The following SEMA5A variants were observed in gnomAD, a reference collection of about 807,000 sequenced individuals.
SEMA5A encodes semaphorin-5A.
SEMA5A carries 55 observed loss-of-function variants against 135.5 expected under a neutral mutation model. That is an observed-to-expected ratio of 0.41 (90% confidence interval 0.33 to 0.51). The LOEUF (loss-of-function observed/expected upper bound fraction) is 0.51. Ranked by LOEUF, SEMA5A falls within the 20% of genes least tolerant of loss-of-function variation. The probability of loss-of-function intolerance (pLI) is 0.37; values close to 1 mark genes in which losing one functional copy is unlikely to be tolerated. For synonymous variants in SEMA5A, 580 were observed against 546.5 expected (o/e 1.06, Z -0.85); for missense variants, 1,290 against 1,419.9 (o/e 0.91, Z 1.47).
chr5:9,536,904 C>T (rs925238628), intron 1 of SEMA5A, among the ~76,000 whole-genome samples: 1 of 152,070 alleles, frequency 6.6e-6, no homozygotes, highest in African/African-American at 2.4e-5. Flanking sequence ...CAGGAGGTGC[C>T]GCAGACACAA....
chr5:9,302,154 G>T (rs1381602569), intron 5 of SEMA5A, among the ~76,000 whole-genome samples: 1 of 152,046 alleles, frequency 6.6e-6, no homozygotes, highest in Non-Finnish European at 1.5e-5. Context: ...TATCTAAGAG[G>T]CACCCAGATA....
chr5:9,070,283 ATTGC>A (rs1270349404), intron 16 of SEMA5A, among the ~76,000 whole-genome samples: 1 of 152,120 alleles, frequency 6.6e-6, no homozygotes, highest in African/African-American at 2.4e-5. Context: ...AGGCATGAGA[ATTGC>A]TTGAATCTGG....
intron 3 of SEMA5A, among the ~76,000 whole-genome samples, chr5:9,338,652 G>A (rs1561162247): frequency 6.6e-6 from 1 of 152,134 alleles, no homozygotes; most frequent in African/African-American, 2.4e-5. Flanking sequence ...ACATCTGATT[G>A]TCGTTTTTTC....
At chr5:9,218,962 T>A (rs745926394) in intron 8 of SEMA5A, among the ~76,000 whole-genome samples, 4 of 152,208 alleles carry the variant, frequency 2.6e-5, no homozygotes, top group Non-Finnish European at 5.9e-5. Context: ...ATTTGTGGAG[T>A]ACTGACTATG....
chr5:9,156,397 T>G (rs1159759436), intron 11 of SEMA5A, among the ~76,000 whole-genome samples: 1 of 152,178 alleles, frequency 6.6e-6, no homozygotes, highest in Non-Finnish European at 1.5e-5. Context: ...TCAGCTCACA[T>G]GTGTCAGCCA....
At chr5:9,359,628 C>T (rs1359751950) in intron 3 of SEMA5A, among the ~76,000 whole-genome samples, 1 of 152,132 alleles carries the variant, frequency 6.6e-6, no homozygotes, top group African/African-American at 2.4e-5. Context: ...TAACTATTCC[C>T]CTACAGCTGA....
intron 8 of SEMA5A, among the ~76,000 whole-genome samples, chr5:9,202,591 T>C (rs1019564740): frequency 3.9e-5 from 6 of 152,220 alleles, no homozygotes; most frequent in Non-Finnish European, 8.8e-5. Flanking sequence ...AATTCTTACA[T>C]AACCTTCAGA....
intron 2 of SEMA5A, among the ~76,000 whole-genome samples, chr5:9,400,014 T>C (rs1756582482): frequency 6.6e-6 from 1 of 152,140 alleles, no homozygotes; most frequent in Non-Finnish European, 1.5e-5. Context: ...TGCAGGAACA[T>C]CTATGAAGCT....
intron 11 of SEMA5A, among the ~76,000 whole-genome samples, chr5:9,185,677 C>A (rs1300193318): frequency 6.6e-6 from 1 of 152,054 alleles, no homozygotes; most frequent in Non-Finnish European, 1.5e-5. Flanking sequence ...GCAATTATTG[C>A]CACAATCTAA....
intron 12 of SEMA5A, among the ~76,000 whole-genome samples, chr5:9,152,504 A>G (rs911211826): frequency 4.6e-5 from 7 of 152,168 alleles, no homozygotes; most frequent in African/African-American, 1.7e-4. Flanking sequence ...AATGTTCACA[A>G]TATCATTATG....
intron 16 of SEMA5A, among the ~76,000 whole-genome samples, chr5:9,069,029 G>A (rs2150077961): frequency 6.6e-6 from 1 of 152,294 alleles, no homozygotes; most frequent in East Asian, 1.9e-4. Flanking sequence ...AGGGAAGGTG[G>A]TCTACCAGGG....
At chr5:9,432,064 A>G (rs756397045) in intron 2 of SEMA5A, among the ~76,000 whole-genome samples, 2 of 152,218 alleles carry the variant, frequency 1.3e-5, no homozygotes, top group African/African-American at 2.4e-5. Context: ...CCCAAGTTCC[A>G]TAATGGGGAA....
intron 1 of SEMA5A, among the ~76,000 whole-genome samples, chr5:9,531,001 C>A (rs1737403338): frequency 6.6e-6 from 1 of 152,218 alleles, no homozygotes; most frequent in African/African-American, 2.4e-5. Flanking sequence ...CCAGAAAGGT[C>A]AGCCTCCTCT....
At chr5:9,467,022 C>A (rs1759285558) in intron 1 of SEMA5A, among the ~76,000 whole-genome samples, 1 of 152,208 alleles carries the variant, frequency 6.6e-6, no homozygotes, top group Admixed American at 6.5e-5. Flanking sequence ...TTGTCCAAAC[C>A]AATAGCCTTC....
At chr5:9,126,771 C>A (rs528731971) in intron 13 of SEMA5A, among the ~76,000 whole-genome samples, 1 of 152,144 alleles carries the variant, frequency 6.6e-6, no homozygotes, top group Non-Finnish European at 1.5e-5. Flanking sequence ...GGGTCTCGGA[C>A]TACAGGACAG....
chr5:9,054,037 A>C, intron 19 of SEMA5A, 50 bp downstream of exon 19: 1 of 1,549,810 alleles, frequency 6.5e-7, no homozygotes, highest in Non-Finnish European at 8.7e-7. Context: ...TCCATTAAGG[A>C]AAGAGGCCAA....
intron 11 of SEMA5A, among the ~76,000 whole-genome samples, chr5:9,189,403 A>G (rs1579572104): frequency 6.6e-6 from 1 of 152,346 alleles, no homozygotes; most frequent in East Asian, 1.9e-4. Context: ...ATGAAAAAAA[A>G]AAAAAAAACT....
At chr5:9,394,134 T>C (rs1756285643) in intron 2 of SEMA5A, among the ~76,000 whole-genome samples, 1 of 152,082 alleles carries the variant, frequency 6.6e-6, no homozygotes, top group African/African-American at 2.4e-5. Context: ...TATGAATAAG[T>C]GTGGTATGAA....
At chr5:9,156,504 C>T (rs891434230) in intron 11 of SEMA5A, among the ~76,000 whole-genome samples, 2 of 152,102 alleles carry the variant, frequency 1.3e-5, no homozygotes, top group Non-Finnish European at 2.9e-5. Context: ...GCTGCCTTTG[C>T]GACATCATTA....
Sources: allele counts gnomAD v4.1 joint callset (sites outside exome capture counted in the v4.1 genomes callset), GRCh38; gene constraint gnomAD v4.1.1; transcripts MANE v1.5; gene names NCBI Gene and HGNC (gene_info 2026-07-23, HGNC 2026-07-21).